The following MAF variants were observed in gnomAD, a reference collection of about 807,000 sequenced individuals.
MAF encodes the protein MAF bZIP transcription factor, also known as transcription factor Maf.
In MAF, 10 loss-of-function variants were observed where a neutral mutation model predicts 22.0. The ratio of observed to expected loss-of-function variants is 0.45; its 90% CI spans 0.28 to 0.77. The LOEUF (loss-of-function observed/expected upper bound fraction) is 0.77, where lower values mean the gene tolerates loss of function less well. Among genes scored for constraint, MAF ranks in the 30% least tolerant of loss-of-function variants. The probability of loss-of-function intolerance (pLI) is 0.12; values close to 1 mark genes in which losing one functional copy is unlikely to be tolerated. For synonymous variants in MAF, 337 were observed against 255.8 expected (o/e 1.32, Z -3.03); for missense variants, 544 against 548.4 (o/e 0.99, Z 0.08).
the MAF span, among the ~76,000 whole-genome samples, chr16:79,238,303 T>C: frequency 6.6e-6 from 1 of 152,084 alleles, no homozygotes; most frequent in East Asian, 1.9e-4. Context: ...CAATGAAAGC[T>C]TTCTGCTTCT....
At chr16:79,359,173 C>T in the MAF span, among the ~76,000 whole-genome samples, 92,068 of 152,004 alleles carry the variant, frequency 0.61, 29,489 homozygotes, top group African/African-American at 0.8. Flanking sequence ...GCATGCCCCA[C>T]AGTAGCTGGG....
At chr16:79,432,337 G>C in the MAF span, among the ~76,000 whole-genome samples, 1 of 152,120 alleles carries the variant, frequency 6.6e-6, no homozygotes, top group South Asian at 2.1e-4. Flanking sequence ...TCAGTCTCGA[G>C]TATTTCCTTA....
the MAF span, among the ~76,000 whole-genome samples, chr16:79,388,865 C>A: frequency 4.6e-5 from 7 of 152,102 alleles, no homozygotes; most frequent in East Asian, 1.3e-3. Context: ...TCAACAGTAC[C>A]CAACTAAGTA....
chr16:79,422,532 A>G, the MAF span, among the ~76,000 whole-genome samples: 2 of 152,186 alleles, frequency 1.3e-5, no homozygotes, highest in South Asian at 4.2e-4. Flanking sequence ...CTTTCTCTTC[A>G]TCTTTAAATT....
At chr16:79,469,978 T>C in the MAF span, among the ~76,000 whole-genome samples, 1 of 152,296 alleles carries the variant, frequency 6.6e-6, no homozygotes, top group African/African-American at 2.4e-5. Context: ...TATCTTAAGT[T>C]TAGAAAAGTG....
the MAF span, among the ~76,000 whole-genome samples, chr16:79,398,031 G>C: frequency 6.6e-6 from 1 of 152,204 alleles, no homozygotes; most frequent in Non-Finnish European, 1.5e-5. Context: ...GTCTCGCTAG[G>C]CTAATATTAA....
chr16:79,479,152 C>A, the MAF span, among the ~76,000 whole-genome samples: 1 of 152,162 alleles, frequency 6.6e-6, no homozygotes, highest in Non-Finnish European at 1.5e-5. Flanking sequence ...ACCACCCCAG[C>A]ATACCCGTAT....
the MAF span, among the ~76,000 whole-genome samples, chr16:79,232,998 G>T: frequency 8.6e-5 from 13 of 151,670 alleles, no homozygotes; most frequent in African/African-American, 3.1e-4. Flanking sequence ...CCGCCTCCAT[G>T]CACGGCTAAT....
chr16:79,394,759 T>A, the MAF span, among the ~76,000 whole-genome samples: 2 of 152,130 alleles, frequency 1.3e-5, no homozygotes, highest in African/African-American at 2.4e-5. Context: ...CTACTCCAAT[T>A]TTTTAGGTCT....
At chr16:79,558,192 T>C in the MAF span, among the ~76,000 whole-genome samples, 1 of 152,146 alleles carries the variant, frequency 6.6e-6, no homozygotes, top group Non-Finnish European at 1.5e-5. Context: ...ACGAGGATTG[T>C]TGGAAACAGC....
chr16:79,380,254 T>C, the MAF span, among the ~76,000 whole-genome samples: 1 of 152,242 alleles, frequency 6.6e-6, no homozygotes, highest in Admixed American at 6.5e-5. Context: ...TTAGAATAGC[T>C]GCTTATTGAC....
chr16:79,228,442 T>G, the MAF span, among the ~76,000 whole-genome samples: 1 of 152,026 alleles, frequency 6.6e-6, no homozygotes, highest in Non-Finnish European at 1.5e-5. Context: ...TGCTCTGACT[T>G]TAATCCCAGG....
chr16:79,493,252 G>C, the MAF span, among the ~76,000 whole-genome samples: 1 of 151,796 alleles, frequency 6.6e-6, no homozygotes, highest in African/African-American at 2.4e-5. Context: ...GCATGATCTC[G>C]ACTCACTACA....
the MAF span, among the ~76,000 whole-genome samples, chr16:79,527,145 A>G: frequency 3.3e-5 from 5 of 152,100 alleles, no homozygotes; most frequent in African/African-American, 1.2e-4. Context: ...GAACTTGCCT[A>G]TTTCCAGGGA....
chr16:79,581,079 G>A (rs1319471815), downstream of MAF, among the ~76,000 whole-genome samples: 1 of 152,122 alleles, frequency 6.6e-6, no homozygotes, highest in Non-Finnish European at 1.5e-5. Flanking sequence ...CTTCTAAAAT[G>A]CAGTGCTTGA....
At chr16:79,254,492 A>C in the MAF span, among the ~76,000 whole-genome samples, 5 of 152,192 alleles carry the variant, frequency 3.3e-5, no homozygotes, top group Non-Finnish European at 7.3e-5. Flanking sequence ...TTGTGAATAC[A>C]TGATTTTTAT....
At chr16:79,596,344 G>A in intron 1 of MAF, 1 of 1,059,266 alleles carries the variant, frequency 9.4e-7, no homozygotes, top group Non-Finnish European at 1.1e-6. Context: ...TCAAAAAACA[G>A]CCTATAATTT....
the MAF span, among the ~76,000 whole-genome samples, chr16:79,207,174 T>C: frequency 6.6e-6 from 1 of 152,232 alleles, no homozygotes; most frequent in African/African-American, 2.4e-5. Flanking sequence ...AGCAGCTCTC[T>C]GATAAATGTA....
At chr16:79,555,269 T>C in the MAF span, among the ~76,000 whole-genome samples, 1 of 152,208 alleles carries the variant, frequency 6.6e-6, no homozygotes, top group Non-Finnish European at 1.5e-5. Context: ...TACTGCTTCA[T>C]GCAGGCCATA....
Sources: gnomAD v4.1 joint callset for allele counts (sites outside exome capture counted in the v4.1 genomes callset) on GRCh38, gnomAD v4.1.1 for gene constraint, MANE v1.5 for transcripts, NCBI Gene and HGNC (gene_info 2026-07-23, HGNC 2026-07-21) for gene names.